Variants in ZNF595 observed in about 807,000 individuals in gnomAD.
ZNF595 encodes zinc finger protein 595.
Under a neutral mutation model 19.4 loss-of-function variants are expected in ZNF595, and 9 were observed. That is an observed-to-expected ratio of 0.46 (90% CI 0.28 to 0.81). The LOEUF (loss-of-function observed/expected upper bound fraction) is 0.81, where lower values mean the gene tolerates loss of function less well. Ranked by LOEUF, ZNF595 falls within the 30% of genes least tolerant of loss-of-function variation. The pLI, the probability that ZNF595 is intolerant of heterozygous loss-of-function variation, is 0.11. For synonymous variants in ZNF595, 255 were observed against 255.9 expected, an observed-to-expected ratio of 1.00 and a Z score of 0.03; for missense variants, 729 against 736.0, an observed-to-expected ratio of 0.99 and a Z score of 0.11.
intron 3 of ZNF595, among the ~76,000 whole-genome samples, chr4:81,747 A>C (rs1478534862): frequency 6.6e-6 from 1 of 152,212 alleles, no homozygotes; most frequent in Non-Finnish European, 1.5e-5. Context: ...TTTTAGAGTC[A>C]AACTGCTTTA....
In ZNF595 at chr4:85,726, T is replaced by C; in HGVS notation, c.227-5T>C. On this transcript the variant is annotated splice_region_variant and splice_polypyrimidine_tract_variant and intron_variant, in intron 3 of 3. Transcript: ENST00000610261. ...GGGATAATTTGTTATTTTTATTTCT[T>C]TCAGCTATATGTTCTCCTTTCAGCC... is the stretch of plus-strand genomic sequence containing the variant. The C allele has an allele frequency of 6.5e-7, 1 of 1,540,116 alleles. No homozygotes were observed. Among genetic ancestry groups the C allele is most frequent in the Non-Finnish European group, 8.7e-7 (1 of 1,146,518 alleles).
At position 78,497 on chromosome 4, in the gene ZNF595, C is replaced by G. The variant is rs551305515; in HGVS notation, c.227-7234C>G. ...TTTGCATGTATAAATATTGCCCCTACTTTGTTCGTAAATTATTTATTCACT... is the reference window on the plus strand; with the variant it reads ...TTTGCATGTATAAATATTGCCCCTAGTTTGTTCGTAAATTATTTATTCACT... On this transcript the variant is annotated intron_variant, in intron 3 of 3. Transcript: ENST00000610261. Among the ~76,000 whole-genome samples the G allele has an allele frequency of 7.1e-4, 108 of 152,284 alleles. 2 individuals carry two copies. Among genetic ancestry groups the G allele is most frequent in the African/African-American group, 2.5e-3 (103 of 41,570 alleles).
rs1159156761 is a variant in ZNF595 at position 85,802 on chromosome 4, C to G, written c.298C>G (p.Leu100Val). The G allele has an allele frequency of 6.2e-7, 1 of 1,613,532 alleles. No homozygotes were observed. The highest frequency in any genetic ancestry group is 8.5e-7 in the Non-Finnish European group (1 of 1,179,794). ...GIEDSFHKLILKRYEKCGHEN... is the reference protein window; with the variant it reads ...GIEDSFHKLIVKRYEKCGHEN... ...AGAAGATTCATTCCACAAACTTATA[C>G]TGAAAAGATACGAGAAATGTGGACA... Residue 100 changes from leucine to valine, a missense_variant, in exon 4 of 4, where the codon CTG (leucine) becomes GTG (valine). Coordinates refer to ENST00000610261, the MANE Select transcript of ZNF595 (RefSeq NM_182524.4).
intron 3 of ZNF595, among the ~76,000 whole-genome samples, chr4:78,828 G>C (rs540731544): frequency 1.1e-4 from 16 of 152,244 alleles, no homozygotes; most frequent in Admixed American, 3.9e-4. Flanking sequence ...TGAGTAGCTG[G>C]GATTACAGGA....
Position 86,481 on chromosome 4 carries a change from G to A in ZNF595, c.977G>A (p.Ser326Asn). ...ECGKAFRQSR[S>N]LNEHKNIHTG... ...GGCAAAGCCTTTAGACAGTCCAGGAGCCTGAATGAACATAAAAATATTCAT... is the reference window on the plus strand; with the variant it reads ...GGCAAAGCCTTTAGACAGTCCAGGAACCTGAATGAACATAAAAATATTCAT... The change falls in exon 4 of 4, where the codon AGC becomes AAC. Residue 326 changes from serine (S) to asparagine (N), a missense_variant. Ser to Asn is a conservative substitution (Grantham distance 46). Transcript: ENST00000610261. The A allele has an allele frequency of 6.2e-7, 1 of 1,612,588 alleles. No homozygotes were observed. Among genetic ancestry groups the A allele is most frequent in the Admixed American group, 1.7e-5 (1 of 59,890 alleles).
At chr4:75,827 A>T (rs1196361218) in intron 3 of ZNF595, among the ~76,000 whole-genome samples, 3 of 146,754 alleles carry the variant, frequency 2.0e-5, no homozygotes, top group Non-Finnish European at 3.0e-5. Context: ...TTTTTTTTTT[A>T]GAATTTCCAA....
chr4:86,463 C>T lies in ZNF595; in HGVS notation c.959C>T (p.Ala320Val), dbSNP rs1553801560. The change falls in exon 4 of 4, where the codon GCC (alanine) becomes GTC (valine). Residue 320 changes from alanine to valine, a missense_variant. This residue lies in a region of ZNF595 where 729 missense variants were observed against 675.3 expected (regional missense o/e 1.08). Coordinates refer to ENST00000610261, the MANE Select transcript of ZNF595 (RefSeq NM_182524.4). The stretch of plus-strand genomic sequence containing the variant: ...TACAAATGTAAAGAATGTGGCAAAG[C>T]CTTTAGACAGTCCAGGAGCCTGAAT... The part of the protein sequence containing the change: ...KPYKCKECGK[A>V]FRQSRSLNEH... The T allele has an allele frequency of 1.2e-6, 2 of 1,613,828 alleles. No homozygotes were observed. Among genetic ancestry groups the T allele is most frequent in the Non-Finnish European group, 1.7e-6 (2 of 1,179,950 alleles).
chr4:77,322 C>CA (rs71164491), intron 3 of ZNF595, among the ~76,000 whole-genome samples: 71 of 147,524 alleles, frequency 4.8e-4, no homozygotes, highest in East Asian at 2.2e-3. Context: ...TGTGTTCTTG[C>CA]AAAAAAAAAA....
intron 3 of ZNF595, among the ~76,000 whole-genome samples, chr4:70,806 C>T (rs1184769357): frequency 6.6e-6 from 1 of 152,108 alleles, no homozygotes; most frequent in African/African-American, 2.4e-5. Flanking sequence ...TTTCTTTTTT[C>T]TTACAGTGAC....
intron 3 of ZNF595, among the ~76,000 whole-genome samples, chr4:74,059 A>C (rs971530793): frequency 1.3e-5 from 2 of 152,090 alleles, no homozygotes; most frequent in Non-Finnish European, 2.9e-5. Context: ...TGTAATCCTA[A>C]TACTTTGGGA....
chr4:70,754 C>G (rs1404987971), intron 3 of ZNF595, among the ~76,000 whole-genome samples: 1 of 152,210 alleles, frequency 6.6e-6, no homozygotes, highest in African/African-American at 2.4e-5. Flanking sequence ...ATTACTGTAG[C>G]TCTGTAGAAT....
Position 85,734 on chromosome 4 carries a change from T to TA in ZNF595, c.231dup (p.Cys78MetfsTer32). On this transcript the variant is annotated frameshift_variant, in exon 4 of 4. Coordinates refer to ENST00000610261, the MANE Select transcript of ZNF595 (RefSeq NM_182524.4). LOFTEE classifies it low-confidence loss of function (END_TRUNC). ...TTGTTATTTTTATTTCTTTCAGCTATATGTTCTCCTTTCAGCCAAGACCTT... is the reference window on the plus strand; with the variant it reads ...TTGTTATTTTTATTTCTTTCAGCTATAATGTTCTCCTTTCAGCCAAGACCTT... The TA allele has an allele frequency of 6.4e-7, 1 of 1,559,924 alleles. No individual in the cohort carries two copies. Among genetic ancestry groups the TA allele is most frequent in the Non-Finnish European group, 8.7e-7 (1 of 1,155,414 alleles).
At chr4:82,222 A>G (rs1217583345) in intron 3 of ZNF595, among the ~76,000 whole-genome samples, 1 of 152,100 alleles carries the variant, frequency 6.6e-6, no homozygotes, top group Middle Eastern at 3.2e-3. Flanking sequence ...CTATTTCTGC[A>G]AAAATTTAAT....
intron 3 of ZNF595, among the ~76,000 whole-genome samples, chr4:70,455 A>G (rs1383872902): frequency 1.3e-5 from 2 of 151,602 alleles, no homozygotes; most frequent in East Asian, 3.9e-4. Context: ...CTCCCACCTC[A>G]GCCTCTGGAG....
Position 87,333 on chromosome 4 carries a change from A to G in ZNF595, c.1829A>G (p.His610Arg), listed in dbSNP as rs781923830. 2 of 1,613,554 alleles carry G rather than the reference A, an allele frequency of 1.2e-6. No individual in the cohort carries two copies. Among genetic ancestry groups the G allele is most frequent in the Non-Finnish European group, 1.7e-6 (2 of 1,179,796 alleles). Residue 610 changes from histidine (H) to arginine (R), a missense_variant, in exon 4 of 4, where the codon CAT becomes CGT. This residue lies in a region of ZNF595 where 729 missense variants were observed against 675.3 expected (regional missense o/e 1.08). Coordinates refer to ENST00000610261, the MANE Select transcript of ZNF595 (RefSeq NM_182524.4). ...AATTGGTCCTCATCCCTTACTAAAC[A>G]TAAGATAATTCATACTGGAGAGAAA... ...AFNWSSSLTK[H>R]KIIHTGEKSY...
At chr4:72,921 C>T (rs1713489884) in intron 3 of ZNF595, among the ~76,000 whole-genome samples, 1 of 152,150 alleles carries the variant, frequency 6.6e-6, no homozygotes, top group Non-Finnish European at 1.5e-5. Context: ...GGAACCTTTC[C>T]TGCAGGTGTA....
chr4:73,938 A>G (rs1396565680), intron 3 of ZNF595, among the ~76,000 whole-genome samples: 4 of 152,170 alleles, frequency 2.6e-5, no homozygotes, highest in Non-Finnish European at 5.9e-5. Flanking sequence ...GTGTTGTCAG[A>G]ATTGAGTTGT....
In ZNF595 at chr4:86,442, A is replaced by G; in HGVS notation, c.938A>G (p.Lys313Arg). The change falls in exon 4 of 4, where the codon AAA (lysine) becomes AGA (arginine). Residue 313 changes from lysine to arginine, a missense_variant. This residue lies in a region of ZNF595 where 729 missense variants were observed against 675.3 expected (regional missense o/e 1.08). Coordinates refer to ENST00000610261, the MANE Select transcript of ZNF595 (RefSeq NM_182524.4). ...ATTCATACTGGAGAGAAACCCTACAAATGTAAAGAATGTGGCAAAGCCTTT... is the reference window on the plus strand; with the variant it reads ...ATTCATACTGGAGAGAAACCCTACAGATGTAAAGAATGTGGCAAAGCCTTT... ...KNIHTGEKPY[K>R]CKECGKAFRQ... The G allele has an allele frequency of 6.2e-7, 1 of 1,611,648 alleles. No homozygotes were observed. Among genetic ancestry groups the G allele is most frequent in the East Asian group, 2.2e-5 (1 of 44,696 alleles).
At chr4:79,890 T>C (rs1411570834) in intron 3 of ZNF595, among the ~76,000 whole-genome samples, 2 of 152,190 alleles carry the variant, frequency 1.3e-5, no homozygotes, top group African/African-American at 4.8e-5. Context: ...TTTTCATGTC[T>C]TTTTCAGTTT....
Sources: allele counts gnomAD v4.1 joint callset (sites outside exome capture counted in the v4.1 genomes callset), GRCh38; gene constraint gnomAD v4.1.1; regional missense constraint gnomAD v4.1.1; transcripts MANE v1.5; gene names NCBI Gene and HGNC (gene_info 2026-07-23, HGNC 2026-07-21).